The following IL31RA variants were observed in gnomAD, a reference collection of about 807,000 sequenced individuals.
IL31RA encodes the protein interleukin-31 receptor subunit alpha.
A neutral mutation model predicts 83.7 loss-of-function variants in IL31RA; 66 were observed. The ratio of observed to expected loss-of-function variants is 0.79; its 90% CI spans 0.65 to 0.97. The LOEUF is 0.97. IL31RA is among the 50% of genes least tolerant of loss of function. IL31RA has a pLI of 0.00. For missense variants in IL31RA, 798 were observed against 919.4 expected, an observed-to-expected ratio of 0.87 and a Z score of 1.71; for synonymous variants, 325 against 329.0, an observed-to-expected ratio of 0.99 and a Z score of 0.13.
At chr5:55,850,468 G>A (rs1371998640), upstream of IL31RA, among the ~76,000 whole-genome samples, 1 of 152,072 alleles carries the variant, frequency 6.6e-6, no homozygotes, top group African/African-American at 2.4e-5. Context: ...AAGAGTTCTT[G>A]TTCTCTAATT....
chr5:55,894,513 G>A (rs1030406454), intron 6 of IL31RA, among the ~76,000 whole-genome samples: 15 of 152,312 alleles, frequency 9.8e-5, no homozygotes, highest in African/African-American at 2.6e-4. Context: ...ATCCTTATAA[G>A]CAATTCTAAT....
In IL31RA at chr5:55,868,241, ATCTGGTT is replaced by A. The variant is rs371501118; in HGVS notation, c.155-547_155-541del. On this transcript the variant is annotated intron_variant, in intron 2 of 14. Transcript: ENST00000652347. ...CTAGGTCCCTGTTCTAGATGGTAGT[ATCTGGTT>A]TCCCTATGAAAGTGTGGATGCTATG... Among the ~76,000 whole-genome samples the A allele has an allele frequency of 6.3e-3, 958 of 152,326 alleles. 12 individuals are homozygous for A. The highest frequency in any genetic ancestry group is 0.022 in the African/African-American group (914 of 41,564).
chr5:55,898,670 TTTTTTAAAAA>T (rs1362266428), intron 7 of IL31RA, among the ~76,000 whole-genome samples: 1 of 44,004 alleles, frequency 2.3e-5, no homozygotes, highest in South Asian at 7.9e-4. Context: ...TATTAATATG[TTTTTTAAAAA>T]GATTTTAAAT....
chr5:55,910,519 A>T lies in IL31RA; in HGVS notation c.1502-13A>T. ...TTTGGCTGTGGTGTTTGACCTTTGT[A>T]TTTTTCCTTTAGCCAAGACAGTCAA... On this transcript the variant is annotated splice_polypyrimidine_tract_variant and intron_variant, in intron 11 of 14. Transcript: ENST00000652347. 4.3e-6 allele frequency: 7 copies of T among 1,613,868 alleles called. No individual in the cohort carries two copies. Among genetic ancestry groups the T allele is most frequent in the Non-Finnish European group, 5.9e-6 (7 of 1,179,956 alleles).
In IL31RA at chr5:55,898,772, C is replaced by T. The variant is rs543576179; in HGVS notation, c.853-1144C>T. On this transcript the variant is annotated intron_variant, in intron 7 of 14. Coordinates refer to ENST00000652347, the MANE Select transcript of IL31RA (RefSeq NM_139017.7). ...CTGGGCGTGGACTGGGCCGGTAATCCCAGCACTTTGGGAGGCCAAGGCATG... is the reference window on the plus strand; with the variant it reads ...CTGGGCGTGGACTGGGCCGGTAATCTCAGCACTTTGGGAGGCCAAGGCATG... Among the ~76,000 whole-genome samples, 23 of 151,666 alleles carry T rather than the reference C, an allele frequency of 1.5e-4. 1 individual carries two copies. The South Asian group carries it at 4.8e-3, about 32-fold the overall frequency.
At chr5:55,864,711 C>T (rs1745924942) in intron 2 of IL31RA, among the ~76,000 whole-genome samples, 1 of 150,868 alleles carries the variant, frequency 6.6e-6, no homozygotes, top group Non-Finnish European at 1.5e-5. Context: ...ACACACATAC[C>T]ACACATACAC....
At chr5:55,883,366 G>T (rs1747380879) in intron 5 of IL31RA, among the ~76,000 whole-genome samples, 171 bp downstream of exon 5, 1 of 152,164 alleles carries the variant, frequency 6.6e-6, no homozygotes, top group Non-Finnish European at 1.5e-5. Context: ...GGACCTTTTA[G>T]ATTGGAAGGG....
At chr5:55,843,155 A>G in the IL31RA span, among the ~76,000 whole-genome samples, 50 of 152,298 alleles carry the variant, frequency 3.3e-4, no homozygotes, top group South Asian at 4.2e-3. Context: ...TCCAAATTAC[A>G]TTATCAGTAC....
chr5:55,858,089 G>C (rs1434342444), intron 1 of IL31RA, among the ~76,000 whole-genome samples: 2 of 151,796 alleles, frequency 1.3e-5, no homozygotes, highest in Non-Finnish European at 2.9e-5. Flanking sequence ...TTATTGTAAA[G>C]GAGTCAAGCA....
chr5:55,913,592 G>A (rs1176118553), intron 13 of IL31RA, 22 bp downstream of exon 13: 3 of 1,510,538 alleles, frequency 2.0e-6, no homozygotes, highest in East Asian at 4.5e-5. Context: ...GACAACAGTG[G>A]GTGCCTTAAA....
At chr5:55,867,021 G>A (rs1746093018) in intron 2 of IL31RA, among the ~76,000 whole-genome samples, 1 of 152,172 alleles carries the variant, frequency 6.6e-6, no homozygotes, top group Non-Finnish European at 1.5e-5. Flanking sequence ...GTTAGTATAA[G>A]CCTCAGAGCT....
At chr5:55,914,122 C>T (rs1187325695) in intron 13 of IL31RA, among the ~76,000 whole-genome samples, 1 of 152,216 alleles carries the variant, frequency 6.6e-6, no homozygotes, top group East Asian at 1.9e-4. Flanking sequence ...CTTAGACTTT[C>T]TCTCTGCAGT....
chr5:55,870,092 A>G lies in IL31RA; in HGVS notation c.272+1184A>G, dbSNP rs1746422107. 2.0e-5 allele frequency among the ~76,000 whole-genome samples: 3 copies of G among 152,206 alleles called. No individual in the cohort carries two copies. In the East Asian group the frequency reaches 5.8e-4, roughly 29 times the overall value. On this transcript the variant is annotated intron_variant, in intron 3 of 14. Coordinates refer to ENST00000652347, the MANE Select transcript of IL31RA (RefSeq NM_139017.7). ...AAAGGGCCAGATGGTAAATATAGTA[A>G]TATTAAGAAGGAGATCGGTCTCTGT...
At chr5:55,913,079 TTTTTTG>T (rs140635074) in intron 12 of IL31RA, among the ~76,000 whole-genome samples, 44,718 of 151,268 alleles carry the variant, frequency 0.3, 7,853 homozygotes, top group African/African-American at 0.49. Context: ...CAAAATTCTG[TTTTTTG>T]TTTTTGTTTT....
chr5:55,843,536 T>G, the IL31RA span, among the ~76,000 whole-genome samples: 412 of 152,326 alleles, frequency 2.7e-3, 3 homozygotes, highest in African/African-American at 9.0e-3. Flanking sequence ...TTCTGCCTAC[T>G]GGGTTTGTCC....
intron 7 of IL31RA, 64 bp downstream of exon 7, chr5:55,896,493 CTCCCTTCCCTCCCTTCCA>C (rs1477917966): frequency 1.0e-6 from 1 of 968,992 alleles, no homozygotes; most frequent in Non-Finnish European, 1.6e-6. Flanking sequence ...CCTCCCTTCC[CTCCCTTCCCTCCCTTCCA>C]TCCCTTCCAT....
At chr5:55,890,463 G>A (rs965455138) in intron 6 of IL31RA, among the ~76,000 whole-genome samples, 39 of 152,262 alleles carry the variant, frequency 2.6e-4, no homozygotes, top group Non-Finnish European at 4.0e-4. Flanking sequence ...ACCACCTCCC[G>A]AGTTCAAGCA....
intron 8 of IL31RA, among the ~76,000 whole-genome samples, chr5:55,905,664 A>G (rs917513149): frequency 6.6e-6 from 1 of 152,204 alleles, no homozygotes; most frequent in African/African-American, 2.4e-5. Flanking sequence ...GAGCCAGACT[A>G]TATAGTGAAA....
chr5:55,910,915 G>A (rs1749466989), intron 12 of IL31RA, among the ~76,000 whole-genome samples: 1 of 152,170 alleles, frequency 6.6e-6, no homozygotes, highest in Non-Finnish European at 1.5e-5. Context: ...CTCATGGGCA[G>A]CCACAAATCA....
Sources: gnomAD v4.1 joint callset for allele counts (sites outside exome capture counted in the v4.1 genomes callset) on GRCh38, gnomAD v4.1.1 for gene constraint, MANE v1.5 for transcripts, NCBI Gene and HGNC (gene_info 2026-07-23, HGNC 2026-07-21) for gene names.